BEAN1: variants seen among roughly 807,000 people sequenced by gnomAD.
BEAN1 encodes protein BEAN1.
BEAN1 carries 17 observed loss-of-function variants against 17.7 expected under a neutral mutation model. That is an observed-to-expected ratio of 0.96 (90% confidence interval 0.66 to 1.44). The LOEUF is 1.44. Ranked by LOEUF, BEAN1 falls within the 40% of genes most tolerant of loss-of-function variation. BEAN1 has a pLI of 0.00. For missense variants in BEAN1, 359 were observed against 374.1 expected (o/e 0.96, Z 0.33); for synonymous variants, 142 against 151.8 (o/e 0.94, Z 0.47).
intron 2 of BEAN1, among the ~76,000 whole-genome samples, chr16:66,447,017 C>T (rs1375664590): frequency 6.6e-6 from 1 of 152,176 alleles, no homozygotes; most frequent in Non-Finnish European, 1.5e-5. Context: ...CACCTGTAGT[C>T]TCAGCACTCT....
chr16:66,461,057 A>AT (rs1963063804), intron 2 of BEAN1, among the ~76,000 whole-genome samples: 1 of 151,992 alleles, frequency 6.6e-6, no homozygotes, highest in Non-Finnish European at 1.5e-5. Flanking sequence ...CTCAGAGAAG[A>AT]GCCTATTTTT....
chr16:66,478,042 G>A (rs547315358), intron 4 of BEAN1: 3 of 211,934 alleles, frequency 1.4e-5, no homozygotes, highest in South Asian at 1.2e-4. Context: ...CTGCTCCTCC[G>A]GGTGTCTCCC....
At chr16:66,458,509 C>T (rs978896233) in intron 2 of BEAN1, among the ~76,000 whole-genome samples, 2 of 152,092 alleles carry the variant, frequency 1.3e-5, no homozygotes, top group Non-Finnish European at 2.9e-5. Context: ...AGCGGCATGC[C>T]GAAGGTCACA....
intron 4 of BEAN1, chr16:66,492,815 T>C (rs1964193103): frequency 1.7e-6 from 1 of 603,318 alleles, no homozygotes; most frequent in African/African-American, 1.9e-5. Flanking sequence ...GGCCAGGCTT[T>C]CCTTTGGCCA....
chr16:66,492,899 G>C, intron 4 of BEAN1: 1 of 651,250 alleles, frequency 1.5e-6, no homozygotes, highest in Middle Eastern at 3.2e-4. Flanking sequence ...GCCTGGCCTG[G>C]CCCCTCTCAG....
At position 66,492,227 on chromosome 16, in the gene BEAN1, A is replaced by C. The variant is rs998651572; in HGVS notation, c.148-735A>C. On this transcript the variant is annotated intron_variant, in intron 4 of 4. Transcript: ENST00000561796. The stretch of plus-strand genomic sequence containing the variant: ...TGGCTAATTTTTGTATTTTTAGTAG[A>C]GACGGGGTTTCACCATGTTGGCCAG... 2.0e-5 allele frequency among the ~76,000 whole-genome samples: 3 copies of C among 151,736 alleles called. No individual in the cohort carries two copies. In the East Asian group the frequency reaches 5.8e-4, roughly 29 times the overall value.
intron 2 of BEAN1, among the ~76,000 whole-genome samples, chr16:66,448,816 C>CA (rs1289864026): frequency 6.6e-5 from 10 of 150,994 alleles, no homozygotes; most frequent in South Asian, 2.1e-4. Flanking sequence ...GACTCTGTCT[C>CA]AAAAAAAAGA....
chr16:66,480,365 AT>A (rs1045596498), intron 4 of BEAN1, among the ~76,000 whole-genome samples: 9 of 152,158 alleles, frequency 5.9e-5, no homozygotes, highest in African/African-American at 2.2e-4. Context: ...CTCACACCGC[AT>A]ATGAGGGCTG....
At chr16:66,433,600 C>A (rs1961892416) in intron 1 of BEAN1, among the ~76,000 whole-genome samples, 1 of 152,032 alleles carries the variant, frequency 6.6e-6, no homozygotes, top group Admixed American at 6.6e-5. Context: ...GCTTCAAATC[C>A]TCCTAGGAAC....
rs1004333572 is a variant in BEAN1 at position 66,480,744 on chromosome 16, C to T, written c.599C>T (p.Pro200Leu). ...CGACACCAGCAGGAGCAGAGGACCCCGGCCCAAGGTGGCCTTCACACGGTC... is the reference window on the plus strand; with the variant it reads ...CGACACCAGCAGGAGCAGAGGACCCTGGCCCAAGGTGGCCTTCACACGGTC... ...PGRHQQEQRTPAQGGLHTVSM... is the reference protein window; with the variant it reads ...PGRHQQEQRTLAQGGLHTVSM... Residue 200 changes from proline to leucine, a missense_variant, in exon 5 of 5, where the codon CCG (proline) becomes CTG (leucine). By Grantham distance (98) the Pro-to-Leu change is moderately conservative. Coordinates refer to ENST00000536005, the MANE Select transcript of BEAN1 (RefSeq NM_001178020.3). 6.4e-6 allele frequency: 10 copies of T among 1,551,460 alleles called. 1 individual carries two copies. The highest frequency in any genetic ancestry group is 2.4e-5 in the East Asian group (1 of 40,936).
intron 2 of BEAN1, among the ~76,000 whole-genome samples, chr16:66,447,819 A>G (rs1962511864): frequency 6.6e-6 from 1 of 152,206 alleles, no homozygotes; most frequent in African/African-American, 2.4e-5. Flanking sequence ...AGATGTGGAA[A>G]CTTAGTCCAG....
At chr16:66,445,175 C>CA (rs939007895) in intron 2 of BEAN1, among the ~76,000 whole-genome samples, 9 of 151,668 alleles carry the variant, frequency 5.9e-5, no homozygotes, top group African/African-American at 1.7e-4. Flanking sequence ...GCTACAAAGA[C>CA]AAAAAAAGCA....
At chr16:66,453,200 A>C (rs2142402774) in intron 2 of BEAN1, among the ~76,000 whole-genome samples, 1 of 152,190 alleles carries the variant, frequency 6.6e-6, no homozygotes, top group South Asian at 2.1e-4. Context: ...ATGAAAGCTT[A>C]GGTTTTCAAG....
rs757284632 is a variant in BEAN1 at position 66,469,596 on chromosome 16, C to G, written c.26-6C>G. 6.5e-7 allele frequency: 1 copy of G among 1,534,918 alleles called. No individual in the cohort carries two copies. Among genetic ancestry groups the G allele is most frequent in the Non-Finnish European group, 8.7e-7 (1 of 1,146,046 alleles). ...CCAGCTCAGTGTCCTCTCTCTCTGT[C>G]CACAGTAGCACGATACAACCGCACC... On this transcript the variant is annotated splice_region_variant and splice_polypyrimidine_tract_variant and intron_variant, in intron 2 of 4. Transcript: ENST00000536005.
intron 3 of BEAN1, among the ~76,000 whole-genome samples, chr16:66,474,629 G>GGAGGGAGGGAGA: frequency 2.3e-5 from 1 of 44,060 alleles, no homozygotes; most frequent in South Asian, 1.2e-3. Flanking sequence ...AGGGAGGGAG[G>GGAGGGAGGGAGA]GAGGGAGGGA....
intron 4 of BEAN1, among the ~76,000 whole-genome samples, chr16:66,491,718 A>C (rs1040747463): frequency 1.8e-4 from 27 of 152,176 alleles, no homozygotes; most frequent in Admixed American, 1.6e-3. Context: ...TTAGATTTTC[A>C]TAAGGAGCAC....
At chr16:66,491,574 G>T (rs779675748) in intron 4 of BEAN1, among the ~76,000 whole-genome samples, 2 of 152,114 alleles carry the variant, frequency 1.3e-5, no homozygotes, top group Non-Finnish European at 2.9e-5. Flanking sequence ...TCCTAACCAC[G>T]AGACCAGCGG....
At chr16:66,486,115 G>A (rs1011135696), downstream of BEAN1, 1 of 152,234 alleles carries the variant, frequency 6.6e-6, no homozygotes, top group Non-Finnish European at 1.5e-5. Context: ...AAAACAAAGA[G>A]ATCCTCTCTC....
At chr16:66,457,781 T>G (rs1962928280) in intron 2 of BEAN1, among the ~76,000 whole-genome samples, 2 of 147,580 alleles carry the variant, frequency 1.4e-5, no homozygotes, top group Non-Finnish European at 1.5e-5. Flanking sequence ...GCTAAAAAGT[T>G]GCCCAAAAAA....
Sources: allele counts gnomAD v4.1 joint callset (sites outside exome capture counted in the v4.1 genomes callset), GRCh38; gene constraint gnomAD v4.1.1; transcripts MANE v1.5; gene names NCBI Gene and HGNC (gene_info 2026-07-23, HGNC 2026-07-21).